The following DST variants were observed in gnomAD, a reference collection of about 807,000 sequenced individuals.
DST encodes the protein dystonin.
A neutral mutation model predicts 875.2 loss-of-function variants in DST; 253 were observed. The observed-to-expected ratio is 0.29, with a 90% CI of 0.26 to 0.32. DST has a LOEUF of 0.32. Among genes scored for constraint, DST ranks in the 10% least tolerant of loss-of-function variants. DST has a pLI of 1.00. For missense variants in DST, 8,287 were observed against 9,111.6 expected (o/e 0.91, Z 3.68); for synonymous variants, 3,124 against 3,197.1 (o/e 0.98, Z 0.77).
chr6:56,951,528 A>C (rs1822296099), intron 2 of DST, among the ~76,000 whole-genome samples: 1 of 152,238 alleles, frequency 6.6e-6, no homozygotes, highest in Non-Finnish European at 1.5e-5. Flanking sequence ...TCTTGCAGAA[A>C]ATGGCATCTT....
At chr6:56,580,703 T>C (rs1003825083) in intron 49 of DST, among the ~76,000 whole-genome samples, 1 of 150,096 alleles carries the variant, frequency 6.7e-6, no homozygotes, top group Non-Finnish European at 1.5e-5. Flanking sequence ...TGAGCCTAGG[T>C]AATTAGCGGA....
intron 77 of DST, among the ~76,000 whole-genome samples, 162 bp from the exon 78 acceptor site, chr6:56,504,260 T>C (rs1176451114): frequency 6.6e-6 from 1 of 152,134 alleles, no homozygotes; most frequent in Non-Finnish European, 1.5e-5. Flanking sequence ...GTAAAAGCAG[T>C]AATATACCAA....
intron 2 of DST, among the ~76,000 whole-genome samples, chr6:56,907,826 G>A (rs562060849): frequency 5.2e-4 from 79 of 152,256 alleles, no homozygotes; most frequent in Non-Finnish European, 8.2e-4. Context: ...TACTGATTAC[G>A]CATCTGGAAA....
intron 10 of DST, among the ~76,000 whole-genome samples, chr6:56,654,550 T>A (rs903520438): frequency 3.4e-5 from 5 of 145,968 alleles, no homozygotes; most frequent in African/African-American, 1.4e-4. Flanking sequence ...TTATCTTTCA[T>A]ACAACACCCA....
intron 4 of DST, among the ~76,000 whole-genome samples, chr6:56,758,977 G>A (rs967960818): frequency 2.0e-5 from 3 of 152,042 alleles, no homozygotes; most frequent in Non-Finnish European, 4.4e-5. Context: ...CCCATACAGC[G>A]CCTGACCCTG....
intron 10 of DST, among the ~76,000 whole-genome samples, chr6:56,661,589 A>C (rs564175686): frequency 1.4e-5 from 2 of 141,530 alleles, no homozygotes; most frequent in Non-Finnish European, 3.0e-5. Flanking sequence ...CCACTCTAAC[A>C]GTTTTTTTTT....
At position 56,579,721 on chromosome 6, in the gene DST, C is replaced by T. The variant is rs145228487; in HGVS notation, c.12904-784G>A. 3.2e-3 allele frequency among the ~76,000 whole-genome samples: 492 copies of T among 152,210 alleles called. 4 individuals are homozygous for T. The highest frequency in any genetic ancestry group is 0.011 in the African/African-American group (477 of 41,526). ...CACAGGAGAAGGGGAGAGTCCCATC[C>T]AGTTTGACAATGCTTATGGGTGAGT... On this transcript the variant is annotated intron_variant, in intron 49 of 103. Coordinates refer to ENST00000680361, the MANE Select transcript of DST (RefSeq NM_001374736.1).
chr6:56,838,119 A>G (rs2099795867), intron 4 of DST, among the ~76,000 whole-genome samples: 1 of 152,204 alleles, frequency 6.6e-6, no homozygotes, highest in African/African-American at 2.4e-5. Flanking sequence ...TCCATGAAAC[A>G]GAAGCATCTG....
intron 2 of DST, among the ~76,000 whole-genome samples, chr6:56,936,888 C>T (rs1391128182): frequency 6.6e-6 from 1 of 151,456 alleles, no homozygotes; most frequent in Non-Finnish European, 1.5e-5. Flanking sequence ...TCTGAATAGG[C>T]ACATAAAAGT....
chr6:56,513,732 C>T (rs982005866), intron 72 of DST, among the ~76,000 whole-genome samples: 19 of 152,130 alleles, frequency 1.2e-4, no homozygotes, highest in African/African-American at 3.9e-4. Flanking sequence ...CAGCCATCTA[C>T]TCAGGTATGT....
At chr6:56,902,382 A>G (rs915612758) in intron 2 of DST, among the ~76,000 whole-genome samples, 8 of 152,262 alleles carry the variant, frequency 5.3e-5, no homozygotes, top group African/African-American at 1.9e-4. Flanking sequence ...AAAAGGCATA[A>G]TAATGATTCT....
chr6:56,720,368 G>A (rs903875477), intron 5 of DST, among the ~76,000 whole-genome samples: 1 of 105,290 alleles, frequency 9.5e-6, no homozygotes, highest in Non-Finnish European at 2.1e-5. Flanking sequence ...TTTTTTTTTA[G>A]TATTTATTGA....
At chr6:56,791,595 A>G (rs1350549066) in intron 4 of DST, among the ~76,000 whole-genome samples, 1 of 152,014 alleles carries the variant, frequency 6.6e-6, no homozygotes, top group Non-Finnish European at 1.5e-5. Flanking sequence ...AGACCAGCCT[A>G]CGCAACATAG....
At chr6:56,712,279 C>A (rs906636277) in intron 5 of DST, among the ~76,000 whole-genome samples, 2 of 152,014 alleles carry the variant, frequency 1.3e-5, no homozygotes, top group Non-Finnish European at 2.9e-5. Flanking sequence ...ATGGTAAGTA[C>A]TACTATGTCA....
chr6:56,921,830 T>C (rs1174909265), intron 2 of DST, among the ~76,000 whole-genome samples: 4 of 151,706 alleles, frequency 2.6e-5, no homozygotes, highest in Non-Finnish European at 5.9e-5. Flanking sequence ...ATCTCCAACA[T>C]ATAAAAAAGG....
At position 56,552,571 on chromosome 6, in the gene DST, G is replaced by A; in HGVS notation, c.16221C>T (p.Ser5407=). 3 of 1,614,008 alleles carry A rather than the reference G, an allele frequency of 1.9e-6. No individual in the cohort carries two copies. The highest frequency in any genetic ancestry group is 2.5e-6 in the Non-Finnish European group (3 of 1,179,890). The change falls in exon 61 of 104, where the codon AGC becomes AGT. Residue 5407 remains serine (S), a synonymous_variant. Transcript: ENST00000680361. ...QFAEFDDELD[S]MAPVGRDAET... ...CTGCATCTCTCCCCACTGGAGCCAT[G>A]CTATCCAGTTCATCATCAAACTCTG...
At chr6:56,948,530 G>A (rs1365554716) in intron 2 of DST, among the ~76,000 whole-genome samples, 2 of 152,148 alleles carry the variant, frequency 1.3e-5, no homozygotes, top group Admixed American at 6.5e-5. Flanking sequence ...AGAGTGGCAC[G>A]CAATTTCAAA....
intron 100 of DST, 189 bp downstream of exon 100, chr6:56,464,496 C>T: frequency 1.7e-6 from 1 of 599,756 alleles, no homozygotes. Context: ...ATAACACCTG[C>T]ATGTGTAACA....
chr6:56,824,888 C>A (rs1362715151), intron 4 of DST, among the ~76,000 whole-genome samples: 1 of 151,556 alleles, frequency 6.6e-6, no homozygotes, highest in Non-Finnish European at 1.5e-5. Context: ...GGGGTCAGCC[C>A]CCCGCCCGGC....
Sources: allele counts gnomAD v4.1 joint callset (sites outside exome capture counted in the v4.1 genomes callset), GRCh38; gene constraint gnomAD v4.1.1; transcripts MANE v1.5; gene names NCBI Gene and HGNC (gene_info 2026-07-23, HGNC 2026-07-21).